Variants in ZNF407 observed in about 807,000 individuals in gnomAD.
The protein encoded by ZNF407 is zinc finger protein 407.
ZNF407 carries 17 observed loss-of-function variants against 131.2 expected under a neutral mutation model. The observed-to-expected ratio is 0.13, with a 90% CI of 0.09 to 0.19. The LOEUF is 0.19. ZNF407 is among the 10% of genes least tolerant of loss of function. The probability of loss-of-function intolerance (pLI) is 1.00; values close to 1 mark genes in which losing one functional copy is unlikely to be tolerated. For synonymous variants in ZNF407, 1,156 were observed against 1,062.0 expected (o/e 1.09, Z -1.72); for missense variants, 2,681 against 2,830.6 (o/e 0.95, Z 1.20).
chr18:74,608,708 A>C (rs1982920443), intron 1 of ZNF407, among the ~76,000 whole-genome samples: 1 of 152,104 alleles, frequency 6.6e-6, no homozygotes, highest in Non-Finnish European at 1.5e-5. Flanking sequence ...CTGGCCAGTT[A>C]TTTTGTAGAA....
At chr18:75,006,889 ATTC>A (rs1397849942) in intron 8 of ZNF407, among the ~76,000 whole-genome samples, 1 of 151,920 alleles carries the variant, frequency 6.6e-6, no homozygotes, top group Non-Finnish European at 1.5e-5. Context: ...TATGTATAGA[ATTC>A]TTATATGTTG....
At chr18:74,786,121 C>T (rs989415241) in intron 4 of ZNF407, among the ~76,000 whole-genome samples, 1 of 152,232 alleles carries the variant, frequency 6.6e-6, no homozygotes, top group African/African-American at 2.4e-5. Context: ...CCTCCGACGT[C>T]ACAGTTGTCA....
At chr18:74,986,659 G>A (rs1972655759) in intron 8 of ZNF407, among the ~76,000 whole-genome samples, 1 of 152,062 alleles carries the variant, frequency 6.6e-6, no homozygotes, top group East Asian at 1.9e-4. Flanking sequence ...CCTCTCAGAG[G>A]AAACATGCAA....
chr18:75,010,598 G>C (rs757862768), intron 8 of ZNF407, among the ~76,000 whole-genome samples: 27 of 152,128 alleles, frequency 1.8e-4, no homozygotes, highest in Non-Finnish European at 3.4e-4. Flanking sequence ...AGTCACATTG[G>C]AATCAGCAGC....
At chr18:74,672,336 C>CT (rs1007960443) in intron 3 of ZNF407, among the ~76,000 whole-genome samples, 1 of 152,146 alleles carries the variant, frequency 6.6e-6, no homozygotes, top group East Asian at 1.9e-4. Context: ...TGCTTGTTGG[C>CT]TGCATGTACG....
At chr18:75,041,000 A>G (rs1973366016) in intron 8 of ZNF407, among the ~76,000 whole-genome samples, 1 of 152,196 alleles carries the variant, frequency 6.6e-6, no homozygotes, top group Non-Finnish European at 1.5e-5. Flanking sequence ...TCTGAAGGGA[A>G]GGAAGAACAA....
intron 3 of ZNF407, among the ~76,000 whole-genome samples, chr18:74,729,994 C>T (rs966947825): frequency 3.3e-5 from 5 of 152,112 alleles, no homozygotes; most frequent in Non-Finnish European, 7.4e-5. Flanking sequence ...ATTGTAATCT[C>T]GTCCAATAGC....
intron 7 of ZNF407, among the ~76,000 whole-genome samples, chr18:74,902,969 G>A (rs562742422): frequency 1.5e-4 from 23 of 152,104 alleles, no homozygotes; most frequent in Non-Finnish European, 2.8e-4. Flanking sequence ...TGCCAGGTGT[G>A]GAGGATGGAA....
chr18:74,841,815 A>T (rs1400283459), intron 4 of ZNF407, among the ~76,000 whole-genome samples: 1 of 152,240 alleles, frequency 6.6e-6, no homozygotes, highest in Non-Finnish European at 1.5e-5. Context: ...CTTCTAGGTT[A>T]TCCCTAGACT....
At chr18:74,712,622 G>T (rs1967792549) in intron 3 of ZNF407, among the ~76,000 whole-genome samples, 1 of 152,218 alleles carries the variant, frequency 6.6e-6, no homozygotes, top group Non-Finnish European at 1.5e-5. Flanking sequence ...AGGGAGGCTG[G>T]TTCTGAGGCT....
chr18:74,851,407 G>A (rs929181152), intron 4 of ZNF407, among the ~76,000 whole-genome samples: 1 of 152,146 alleles, frequency 6.6e-6, no homozygotes, highest in Admixed American at 6.5e-5. Flanking sequence ...TCATGATTCT[G>A]AAAATTAGAG....
At chr18:74,958,271 T>A (rs1972299325) in intron 8 of ZNF407, among the ~76,000 whole-genome samples, 1 of 152,144 alleles carries the variant, frequency 6.6e-6, no homozygotes, top group East Asian at 1.9e-4. Context: ...TTACTGAGTG[T>A]GGGTTAGGGA....
chr18:74,877,158 C>T (rs200877144), intron 4 of ZNF407, 39 bp from the exon 5 acceptor site: 61 of 1,593,800 alleles, frequency 3.8e-5, no homozygotes, highest in African/African-American at 1.9e-4. Context: ...TGCTGGTGTG[C>T]GGGCCATATT....
At chr18:74,943,254 T>C (rs1972120409) in intron 8 of ZNF407, among the ~76,000 whole-genome samples, 1 of 152,224 alleles carries the variant, frequency 6.6e-6, no homozygotes. Flanking sequence ...CAGAGAGATA[T>C]AACTAATACA....
At chr18:75,031,199 C>T (rs546112649) in intron 8 of ZNF407, among the ~76,000 whole-genome samples, 57 of 152,310 alleles carry the variant, frequency 3.7e-4, no homozygotes, top group African/African-American at 1.3e-3. Flanking sequence ...GTTCAGCTTC[C>T]TGTGCTATTC....
chr18:74,651,941 C>T (rs1026379213), intron 3 of ZNF407, among the ~76,000 whole-genome samples: 3 of 152,108 alleles, frequency 2.0e-5, no homozygotes, highest in Non-Finnish European at 4.4e-5. Flanking sequence ...AATGTTATAG[C>T]ATTGCTGTGT....
intron 3 of ZNF407, among the ~76,000 whole-genome samples, chr18:74,743,909 G>A (rs1968608549): frequency 6.6e-6 from 1 of 152,020 alleles, no homozygotes; most frequent in Admixed American, 6.6e-5. Flanking sequence ...TTTTAGAAAA[G>A]CTTTTATTAA....
chr18:74,623,038 G>A (rs553595902), intron 1 of ZNF407, among the ~76,000 whole-genome samples: 175 of 106,082 alleles, frequency 1.6e-3, no homozygotes, highest in African/African-American at 4.4e-3. Flanking sequence ...GAGTGCATGT[G>A]TGTGTGAATG....
intron 3 of ZNF407, among the ~76,000 whole-genome samples, chr18:74,729,995 G>A (rs978372275): frequency 2.0e-5 from 3 of 152,188 alleles, no homozygotes; most frequent in East Asian, 1.9e-4. Flanking sequence ...TTGTAATCTC[G>A]TCCAATAGCG....
Sources: gnomAD v4.1 joint callset for allele counts (sites outside exome capture counted in the v4.1 genomes callset) on GRCh38, gnomAD v4.1.1 for gene constraint, MANE v1.5 for transcripts, NCBI Gene and HGNC (gene_info 2026-07-23, HGNC 2026-07-21) for gene names.